IQCM: variants seen among roughly 807,000 people sequenced by gnomAD.
The protein encoded by IQCM is IQ motif containing M, also known as IQ domain-containing protein M.
Under a neutral mutation model 57.6 loss-of-function variants are expected in IQCM, and 45 were observed. The ratio of observed to expected loss-of-function variants is 0.78; its 90% confidence interval spans 0.62 to 1.00. The LOEUF (loss-of-function observed/expected upper bound fraction) is 1.00. Ranked by LOEUF, IQCM falls within the 50% of genes least tolerant of loss-of-function variation. IQCM has a pLI of 0.00. For synonymous variants in IQCM, 148 were observed against 158.9 expected, an observed-to-expected ratio of 0.93 and a Z score of 0.51; for missense variants, 468 against 511.6, an observed-to-expected ratio of 0.91 and a Z score of 0.82.
chr4:149,484,578 C>T (rs556413780), intron 12 of IQCM, among the ~76,000 whole-genome samples: 9 of 151,442 alleles, frequency 5.9e-5, no homozygotes, highest in African/African-American at 2.2e-4. Flanking sequence ...AACAAACATG[C>T]AAAAAAAATT....
At position 149,678,423 on chromosome 4, in the gene IQCM, T is replaced by C. The variant is rs545257402; in HGVS notation, c.565+3695A>G. ...AATCTATTGCCAGCTAAGAATACTGTATTCAACAAACTACAGTTCTAATAT... is the reference window on the plus strand; with the variant it reads ...AATCTATTGCCAGCTAAGAATACTGCATTCAACAAACTACAGTTCTAATAT... On this transcript the variant is annotated intron_variant, in intron 7 of 13. Transcript: ENST00000636793. 3.9e-5 allele frequency among the ~76,000 whole-genome samples: 6 copies of C among 151,966 alleles called. 1 individual carries two copies. In the South Asian group the frequency reaches 1.2e-3, roughly 32 times the overall value.
chr4:149,733,488 A>G lies in IQCM; in HGVS notation c.141T>C (p.Ser47=), dbSNP rs1766654744. Residue 47 remains serine, a synonymous_variant, in exon 5 of 14, where the codon TCT becomes TCC. Transcript: ENST00000636793. ...KINENKVQGT[S]INVFRKKHQK... ...GGTGTTTCTTTCTAAAAACATTTAT[A>G]GAAGTACCTTGAACTTTATTCTATG... 1.6e-6 allele frequency: 2 copies of G among 1,227,740 alleles called. No individual in the cohort carries two copies. Among genetic ancestry groups the G allele is most frequent in the Non-Finnish European group, 1.0e-6 (1 of 984,134 alleles). The allele number at this position is 1,227,740 out of a possible 1,614,324, so 76.1% of individuals were successfully genotyped here. A position where few individuals can be genotyped will look rare whatever the true frequency, so the allele number is the denominator to read the frequency against.
intron 7 of IQCM, among the ~76,000 whole-genome samples, chr4:149,622,842 A>G (rs1756469451): frequency 6.6e-6 from 1 of 152,174 alleles, no homozygotes; most frequent in Non-Finnish European, 1.5e-5. Context: ...TTAATGCACC[A>G]TTACGTACAA....
rs1169570099 is a variant in IQCM, at chr4:149,733,001, T to A, written c.385+243A>T. 2.6e-5 allele frequency among the ~76,000 whole-genome samples: 4 copies of A among 152,212 alleles called. No homozygotes were observed. The East Asian group carries it at 5.8e-4, about 22-fold the overall frequency. On this transcript the variant is annotated intron_variant, in intron 5 of 13. Transcript: ENST00000636793. ...TTTTCACTAGGAAGAAGATCACTTC[T>A]GGAAGACATGGCTAACAAGTTTTGT...
chr4:149,700,660 A>G (rs1184137237), intron 5 of IQCM, among the ~76,000 whole-genome samples: 1 of 152,004 alleles, frequency 6.6e-6, no homozygotes. Flanking sequence ...AGTCAGGAGC[A>G]TGGGCATTTG....
chr4:149,693,141 T>A (rs775164684), intron 5 of IQCM, among the ~76,000 whole-genome samples: 13 of 152,180 alleles, frequency 8.5e-5, no homozygotes, highest in Non-Finnish European at 1.5e-4. Flanking sequence ...CTGAAATCAA[T>A]CATCCATTCA....
At chr4:149,410,745 G>T (rs1733327606) in intron 13 of IQCM, among the ~76,000 whole-genome samples, 1 of 151,808 alleles carries the variant, frequency 6.6e-6, no homozygotes, top group African/African-American at 2.4e-5. Flanking sequence ...TTTATCTAAT[G>T]ATATCTGATG....
At chr4:149,538,035 TATATATACATTTGCA>T (rs955449549) in intron 12 of IQCM, among the ~76,000 whole-genome samples, 8 of 151,464 alleles carry the variant, frequency 5.3e-5, no homozygotes, top group African/African-American at 1.4e-4. Flanking sequence ...TATATGAATA[TATATATACATTTGCA>T]ATATACATTT....
chr4:149,718,929 C>T (rs1765216626), intron 5 of IQCM, among the ~76,000 whole-genome samples: 1 of 152,196 alleles, frequency 6.6e-6, no homozygotes, highest in African/African-American at 2.4e-5. Flanking sequence ...TCAGCAAAGA[C>T]CTTTTTCCCA....
At chr4:149,400,101 C>T (rs1279702013) in intron 13 of IQCM, among the ~76,000 whole-genome samples, 1 of 151,666 alleles carries the variant, frequency 6.6e-6, no homozygotes, top group African/African-American at 2.4e-5. Context: ...CTCTACTACT[C>T]AATTCTCTGG....
At chr4:149,702,502 A>G (rs919456721) in intron 5 of IQCM, among the ~76,000 whole-genome samples, 2 of 151,926 alleles carry the variant, frequency 1.3e-5, no homozygotes, top group African/African-American at 4.8e-5. Context: ...AACACCTGAC[A>G]TAAATTAAGC....
intron 8 of IQCM, among the ~76,000 whole-genome samples, chr4:149,593,531 T>G (rs138741241): frequency 0.21 from 32,508 of 152,036 alleles, 4,355 homozygotes; most frequent in Non-Finnish European, 0.29. Context: ...CCCTGTCTTG[T>G]GCCAGTTTTC....
chr4:149,659,464 G>A (rs1364994674), intron 7 of IQCM, among the ~76,000 whole-genome samples: 1 of 151,998 alleles, frequency 6.6e-6, no homozygotes, highest in African/African-American at 2.4e-5. Context: ...TTTCTTCACA[G>A]AATTGGAAAA....
intron 5 of IQCM, among the ~76,000 whole-genome samples, chr4:149,731,496 A>G (rs1766454943): frequency 6.6e-6 from 1 of 152,216 alleles, no homozygotes; most frequent in Non-Finnish European, 1.5e-5. Flanking sequence ...TTATAGCAGC[A>G]AGAACAGACT....
At chr4:149,680,071 T>C (rs1762069517) in intron 7 of IQCM, among the ~76,000 whole-genome samples, 1 of 151,392 alleles carries the variant, frequency 6.6e-6, no homozygotes, top group African/African-American at 2.4e-5. Flanking sequence ...TATGTAATTA[T>C]AAAAGAATGT....
intron 5 of IQCM, among the ~76,000 whole-genome samples, chr4:149,706,311 T>C (rs995303998): frequency 2.6e-5 from 4 of 151,988 alleles, no homozygotes; most frequent in Non-Finnish European, 5.9e-5. Context: ...AAAAATCTTT[T>C]AAAACCACAC....
chr4:149,378,908 T>C (rs1009362914), intron 13 of IQCM, among the ~76,000 whole-genome samples: 6 of 152,264 alleles, frequency 3.9e-5, no homozygotes, highest in South Asian at 2.1e-4. Flanking sequence ...AATGGTTTCA[T>C]GGGCTGGGCC....
At chr4:149,425,024 A>G (rs1444244366) in intron 13 of IQCM, among the ~76,000 whole-genome samples, 1 of 151,984 alleles carries the variant, frequency 6.6e-6, no homozygotes, top group Non-Finnish European at 1.5e-5. Flanking sequence ...ACCATTCAGT[A>G]GCTGCATGAC....
intron 12 of IQCM, among the ~76,000 whole-genome samples, chr4:149,464,489 T>C (rs1738635795): frequency 6.6e-6 from 1 of 152,218 alleles, no homozygotes; most frequent in Non-Finnish European, 1.5e-5. Flanking sequence ...GGTTTCTTTC[T>C]TGCCAGGTTT....
Sources: allele counts gnomAD v4.1 joint callset (sites outside exome capture counted in the v4.1 genomes callset), GRCh38; gene constraint gnomAD v4.1.1; transcripts MANE v1.5; gene names NCBI Gene and HGNC (gene_info 2026-07-23, HGNC 2026-07-21).